TMEM74: variants seen among roughly 807,000 people sequenced by gnomAD.
TMEM74 encodes transmembrane protein 74.
TMEM74 carries 13 observed loss-of-function variants against 18.1 expected under a neutral mutation model. That is an observed-to-expected ratio of 0.72 (90% confidence interval 0.47 to 1.14). TMEM74 has a LOEUF of 1.14. Among genes scored for constraint, TMEM74 ranks in the 50% most tolerant of loss-of-function variants. TMEM74 has a pLI of 0.00. For missense variants in TMEM74, 372 were observed against 375.9 expected, an observed-to-expected ratio of 0.99 and a Z score of 0.09; for synonymous variants, 159 against 146.6, an observed-to-expected ratio of 1.08 and a Z score of -0.61.
At chr8:108,607,143 T>G (rs955823342) in exon 4 of TMEM74, 1 of 152,180 alleles carries the variant, frequency 6.6e-6, no homozygotes, top group Non-Finnish European at 1.5e-5. Context: ...AACCCTGTGC[T>G]TTATTGGTCA....
chr8:108,752,078 C>T (rs1415898992), intron 1 of TMEM74, among the ~76,000 whole-genome samples: 5 of 151,870 alleles, frequency 3.3e-5, no homozygotes, highest in African/African-American at 1.2e-4. Flanking sequence ...TGAATGACAA[C>T]CCTTACCTTA....
chr8:108,766,404 TC>T (rs1204197134), intron 1 of TMEM74, among the ~76,000 whole-genome samples: 1 of 152,148 alleles, frequency 6.6e-6, no homozygotes, highest in East Asian at 1.9e-4. Flanking sequence ...AAAATTATAT[TC>T]TTTAACCTTC....
intron 2 of TMEM74, among the ~76,000 whole-genome samples, chr8:108,624,461 A>G (rs1447459879): frequency 6.6e-6 from 1 of 152,092 alleles, no homozygotes; most frequent in Non-Finnish European, 1.5e-5. Context: ...TTGTCTGTAG[A>G]ACACCTCAAG....
At chr8:108,651,465 G>A (rs1006034070) in intron 2 of TMEM74, among the ~76,000 whole-genome samples, 8 of 151,826 alleles carry the variant, frequency 5.3e-5, no homozygotes, top group African/African-American at 1.7e-4. Context: ...TCCAGTTTAG[G>A]CTATTTTTCT....
intron 2 of TMEM74, among the ~76,000 whole-genome samples, chr8:108,630,351 G>C (rs1023544821): frequency 6.6e-6 from 1 of 151,888 alleles, no homozygotes; most frequent in Non-Finnish European, 1.5e-5. Flanking sequence ...GATCTACAAA[G>C]AGACTTAGAC....
At chr8:108,637,103 C>T (rs145345407) in intron 2 of TMEM74, among the ~76,000 whole-genome samples, 6 of 152,138 alleles carry the variant, frequency 3.9e-5, no homozygotes, top group East Asian at 3.9e-4. Context: ...TCTTGACAAG[C>T]GAAAGTTCAA....
At chr8:108,739,922 C>T (rs989203314) in intron 1 of TMEM74, among the ~76,000 whole-genome samples, 11 of 152,060 alleles carry the variant, frequency 7.2e-5, no homozygotes, top group African/African-American at 1.4e-4. Context: ...CGGGGGCCAT[C>T]GCAATCGTGG....
rs1563543556 is a variant in TMEM74, at chr8:108,756,592, GAA to G, written n.119+30882_119+30883del. ...AGAAAGAAAGAAAGAAAGAAAGAAA[GAA>G]AGAGAAAGGAAGGAAGGAAGGAAGG... On this transcript the variant is annotated intron_variant and non_coding_transcript_variant, in intron 1 of 3. Coordinates refer to the TMEM74 transcript ENST00000518838. Among the ~76,000 whole-genome samples, 240 of 92,096 alleles carry G rather than the reference GAA, an allele frequency of 2.6e-3. 1 individual carries two copies. The highest frequency in any genetic ancestry group is 8.8e-3 in the African/African-American group (174 of 19,790). 60.4% of individuals were successfully genotyped at this position (92,096 alleles called of 152,430 possible). A position where few individuals can be genotyped will look rare whatever the true frequency, so the allele number is the denominator to read the frequency against.
At chr8:108,713,616 T>C (rs1813494130) in intron 1 of TMEM74, among the ~76,000 whole-genome samples, 1 of 152,176 alleles carries the variant, frequency 6.6e-6, no homozygotes, top group Non-Finnish European at 1.5e-5. Context: ...ATAGCAGCTA[T>C]GGGGAAAATC....
At chr8:108,728,634 G>A (rs943306803) in intron 1 of TMEM74, among the ~76,000 whole-genome samples, 2 of 152,138 alleles carry the variant, frequency 1.3e-5, no homozygotes, top group Non-Finnish European at 2.9e-5. Flanking sequence ...AGGAAGGCTA[G>A]TCCTGGGTCA....
intron 2 of TMEM74, among the ~76,000 whole-genome samples, chr8:108,626,186 T>G (rs1812491045): frequency 6.6e-6 from 1 of 152,102 alleles, no homozygotes; most frequent in East Asian, 1.9e-4. Flanking sequence ...TTATTTACAT[T>G]ATTACATTAT....
intron 2 of TMEM74, among the ~76,000 whole-genome samples, chr8:108,615,386 A>G (rs1812372993): frequency 6.6e-6 from 1 of 152,198 alleles, no homozygotes; most frequent in Non-Finnish European, 1.5e-5. Flanking sequence ...ATAGAAATTC[A>G]CTCACCTCAA....
intron 2 of TMEM74, among the ~76,000 whole-genome samples, chr8:108,637,071 A>G (rs1439751332): frequency 1.3e-5 from 2 of 152,132 alleles, no homozygotes; most frequent in East Asian, 1.9e-4. Flanking sequence ...ATGCAGATCA[A>G]ACTTCTCATT....
At chr8:108,651,850 G>T (rs1812777582) in intron 2 of TMEM74, among the ~76,000 whole-genome samples, 1 of 151,568 alleles carries the variant, frequency 6.6e-6, no homozygotes, top group African/African-American at 2.4e-5. Flanking sequence ...TCTCCCCATT[G>T]TTATACACAG....
chr8:108,678,252 T>C (rs560964557), intron 1 of TMEM74, among the ~76,000 whole-genome samples: 60 of 152,338 alleles, frequency 3.9e-4, no homozygotes, highest in African/African-American at 1.3e-3. Context: ...TGGATTCCAA[T>C]TGTATAAAAA....
At chr8:108,785,172 C>T in intron 1 of TMEM74, 35 bp from the exon 2 acceptor site, 1 of 1,475,652 alleles carries the variant, frequency 6.8e-7, no homozygotes, top group South Asian at 1.4e-5. Flanking sequence ...AAGAACCCAA[C>T]AGAAGCTAAG....
intron 1 of TMEM74, among the ~76,000 whole-genome samples, chr8:108,700,225 C>T (rs1384307544): frequency 6.6e-6 from 1 of 151,402 alleles, no homozygotes; most frequent in Non-Finnish European, 1.5e-5. Flanking sequence ...CTAAAGGAAG[C>T]TTCTAATAAG....
chr8:108,656,439 G>A (rs977140417), intron 1 of TMEM74, among the ~76,000 whole-genome samples: 3 of 152,106 alleles, frequency 2.0e-5, no homozygotes, highest in African/African-American at 7.2e-5. Context: ...GGAAAACCAG[G>A]GGGTTTATTT....
intron 1 of TMEM74, among the ~76,000 whole-genome samples, chr8:108,720,761 T>TATTA (rs1457285662): frequency 1.0e-5 from 1 of 97,418 alleles, no homozygotes; most frequent in Non-Finnish European, 2.1e-5. Flanking sequence ...TTTATTAGTT[T>TATTA]GTTTGTTTGT....
Sources: allele counts gnomAD v4.1 joint callset (sites outside exome capture counted in the v4.1 genomes callset), GRCh38; gene constraint gnomAD v4.1.1; transcripts MANE v1.5; gene names NCBI Gene and HGNC (gene_info 2026-07-23, HGNC 2026-07-21).